The following MAP2K1 variants were observed in gnomAD, a reference collection of about 807,000 sequenced individuals.
MAP2K1 encodes the protein mitogen-activated protein kinase kinase 1, also known as dual specificity mitogen-activated protein kinase kinase 1.
A neutral mutation model predicts 46.3 loss-of-function variants in MAP2K1; 16 were observed. The observed-to-expected ratio is 0.35, with a 90% CI of 0.23 to 0.52. MAP2K1 has a LOEUF of 0.52. Ranked by LOEUF, MAP2K1 falls within the 20% of genes least tolerant of loss-of-function variation. The probability of loss-of-function intolerance (pLI) is 0.94; values close to 1 mark genes in which losing one functional copy is unlikely to be tolerated. For missense variants in MAP2K1, 263 were observed against 497.1 expected (o/e 0.53, Z 4.48); for synonymous variants, 183 against 185.6 (o/e 0.99, Z 0.11).
Position 66,441,520 on chromosome 15 carries a change from A to T in MAP2K1, c.439-1760A>T, listed in dbSNP as rs569350766. 3.3e-5 allele frequency among the ~76,000 whole-genome samples: 5 copies of T among 151,934 alleles called. No homozygotes were observed. The South Asian group carries it at 1.0e-3, about 32-fold the overall frequency. ...ACTCCCCATCTACAAAAAAAATCAA[A>T]AATAGCTGGGTGGGGTGGCACGTAC... On this transcript the variant is annotated intron_variant, in intron 3 of 10. Coordinates refer to ENST00000307102, the MANE Select transcript of MAP2K1 (RefSeq NM_002755.4).
At chr15:66,391,196 C>T (rs1020424369) in intron 1 of MAP2K1, among the ~76,000 whole-genome samples, 1 of 151,968 alleles carries the variant, frequency 6.6e-6, no homozygotes, top group African/African-American at 2.4e-5. Context: ...CTGGCGCTCA[C>T]CTGAGCTTTT....
At chr15:66,395,904 C>T (rs2093366448) in intron 1 of MAP2K1, among the ~76,000 whole-genome samples, 2 of 151,986 alleles carry the variant, frequency 1.3e-5, no homozygotes, top group Non-Finnish European at 2.9e-5. Flanking sequence ...CTTGCCACTA[C>T]ACTTTAACTT....
intron 5 of MAP2K1, chr15:66,446,393 TG>T: frequency 6.5e-6 from 1 of 153,710 alleles, no homozygotes; most frequent in Non-Finnish European, 1.4e-5. Flanking sequence ...GAGCAGAGAC[TG>T]CGCACCACTG....
chr15:66,420,775 A>ATGTATATG, intron 1 of MAP2K1, among the ~76,000 whole-genome samples: 1 of 26,396 alleles, frequency 3.8e-5, no homozygotes, highest in East Asian at 6.4e-4. Context: ...GTGTATATAT[A>ATGTATATG]TGTGTATATA....
intron 1 of MAP2K1, among the ~76,000 whole-genome samples, chr15:66,402,915 T>C (rs2093385807): frequency 6.6e-6 from 1 of 152,208 alleles, no homozygotes; most frequent in Non-Finnish European, 1.5e-5. Flanking sequence ...CTATTAAGTG[T>C]AACGAGGTTT....
chr15:66,468,061 C>T (rs1021321170), intron 5 of MAP2K1, among the ~76,000 whole-genome samples: 2 of 152,206 alleles, frequency 1.3e-5, no homozygotes, highest in African/African-American at 4.8e-5. Flanking sequence ...GCTTATCTAT[C>T]AAAGATTTTA....
chr15:66,464,700 T>G (rs1439020927), intron 5 of MAP2K1, among the ~76,000 whole-genome samples: 1 of 151,454 alleles, frequency 6.6e-6, no homozygotes, highest in Non-Finnish European at 1.5e-5. Context: ...TAATTTTGTA[T>G]TTTTAGTAGA....
At chr15:66,390,244 A>G (rs570784284) in intron 1 of MAP2K1, among the ~76,000 whole-genome samples, 13 of 152,308 alleles carry the variant, frequency 8.5e-5, no homozygotes, top group Middle Eastern at 3.4e-3. Flanking sequence ...CCTGTGTTTC[A>G]TAGCACTAAT....
rs550870232 is a variant in MAP2K1 at position 66,395,369 on chromosome 15, A to G, written c.80+7942A>G. Among the ~76,000 whole-genome samples, 58 of 152,124 alleles carry G rather than the reference A, an allele frequency of 3.8e-4. 1 individual carries two copies. Among genetic ancestry groups the G allele is most frequent in the Admixed American group, 2.4e-3 (36 of 15,286 alleles). ...AAAGCAAAACTACATTTAAGTGGGT[A>G]CTCCTGTAGCTGTTGGCCCTGCCTT... is the stretch of plus-strand genomic sequence containing the variant. On this transcript the variant is annotated intron_variant, in intron 1 of 10. Transcript: ENST00000307102.
chr15:66,480,829 G>A (rs1017989538), intron 5 of MAP2K1, among the ~76,000 whole-genome samples: 4 of 152,164 alleles, frequency 2.6e-5, no homozygotes, highest in African/African-American at 9.7e-5. Context: ...GCTCCACAAA[G>A]CCCTGCTCCA....
chr15:66,419,460 C>T (rs2093432380), intron 1 of MAP2K1, among the ~76,000 whole-genome samples: 1 of 151,412 alleles, frequency 6.6e-6, no homozygotes, highest in South Asian at 2.1e-4. Context: ...GTGGAGGTTG[C>T]AGTGAGCTGA....
intron 1 of MAP2K1, among the ~76,000 whole-genome samples, chr15:66,415,936 A>G (rs949120749): frequency 2.6e-5 from 4 of 152,178 alleles, no homozygotes; most frequent in African/African-American, 2.4e-5. Context: ...CTGAGCACAC[A>G]TTAGTTTTTT....
intron 1 of MAP2K1, among the ~76,000 whole-genome samples, chr15:66,408,486 C>G (rs1266384869): frequency 6.6e-6 from 1 of 152,094 alleles, no homozygotes; most frequent in Non-Finnish European, 1.5e-5. Flanking sequence ...CAGATAAGCC[C>G]AGCTTTCTTC....
At chr15:66,431,567 A>C (rs1041816317) in intron 1 of MAP2K1, among the ~76,000 whole-genome samples, 1 of 152,066 alleles carries the variant, frequency 6.6e-6, no homozygotes, top group Non-Finnish European at 1.5e-5. Flanking sequence ...CTCCCTCTAT[A>C]TTAGTGTAGA....
chr15:66,476,756 G>T (rs1235927603), intron 5 of MAP2K1, among the ~76,000 whole-genome samples: 1 of 152,224 alleles, frequency 6.6e-6, no homozygotes, highest in Non-Finnish European at 1.5e-5. Flanking sequence ...GCTGGTTTCT[G>T]TGTAGGCGGG....
intron 1 of MAP2K1, among the ~76,000 whole-genome samples, chr15:66,406,967 G>A (rs2093398755): frequency 6.6e-6 from 1 of 152,124 alleles, no homozygotes; most frequent in South Asian, 2.1e-4. Context: ...TTGCAGTCCA[G>A]CCTAGGCAAC....
intron 5 of MAP2K1, chr15:66,446,712 C>A: frequency 5.4e-6 from 2 of 368,958 alleles, no homozygotes; most frequent in Non-Finnish European, 1.2e-5. Flanking sequence ...GAAGAACTGC[C>A]TGCTCCCATT....
chr15:66,422,708 C>CT (rs1004293246), intron 1 of MAP2K1, among the ~76,000 whole-genome samples: 1 of 151,960 alleles, frequency 6.6e-6, no homozygotes, highest in African/African-American at 2.4e-5. Context: ...TGGGATTTTT[C>CT]TTTTTTTAAG....
chr15:66,387,496 G>T (rs2093344655), intron 1 of MAP2K1, 69 bp downstream of exon 1: 1 of 1,456,612 alleles, frequency 6.9e-7, no homozygotes, highest in African/African-American at 1.4e-5. Context: ...GCAGGAGCGC[G>T]CGCCAGGCTC....
Sources: allele counts gnomAD v4.1 joint callset (sites outside exome capture counted in the v4.1 genomes callset), GRCh38; gene constraint gnomAD v4.1.1; transcripts MANE v1.5; gene names NCBI Gene and HGNC (gene_info 2026-07-23, HGNC 2026-07-21).